MRTFA: variants seen among roughly 807,000 people sequenced by gnomAD.
MRTFA encodes the protein myocardin-related transcription factor A.
A neutral mutation model predicts 83.5 loss-of-function variants in MRTFA; 20 were observed. The ratio of observed to expected loss-of-function variants is 0.24; its 90% CI spans 0.17 to 0.35. MRTFA has a LOEUF of 0.35. MRTFA is among the 10% of genes least tolerant of loss of function. The pLI is 1.00. For synonymous variants in MRTFA, 659 were observed against 541.2 expected, an observed-to-expected ratio of 1.22 and a Z score of -3.02; for missense variants, 1,200 against 1,224.7, an observed-to-expected ratio of 0.98 and a Z score of 0.30.
chr22:40,456,117 A>C (rs1569274947), intron 4 of MRTFA, among the ~76,000 whole-genome samples: 1 of 152,184 alleles, frequency 6.6e-6, no homozygotes, highest in Non-Finnish European at 1.5e-5. Flanking sequence ...TAATAAAGAT[A>C]GCCTGATAGT....
rs5750966 is a variant in MRTFA at position 40,573,789 on chromosome 22, C to T, written c.-22+20885G>A. 6.1e-4 allele frequency among the ~76,000 whole-genome samples: 93 copies of T among 151,472 alleles called. 1 individual carries two copies. Among genetic ancestry groups the T allele is most frequent in the African/African-American group, 2.1e-3 (85 of 41,202 alleles). On this transcript the variant is annotated intron_variant, in intron 2 of 14. Coordinates refer to ENST00000355630, the MANE Select transcript of MRTFA (RefSeq NM_020831.6). ...AAGATTCAGATTTAATAAATATTTT[C>T]GCTGGGTGTGATGGCTCATGCCTGT...
intron 1 of MRTFA, among the ~76,000 whole-genome samples, chr22:40,596,014 G>T (rs1303194749): frequency 3.3e-5 from 5 of 151,464 alleles, no homozygotes; most frequent in Non-Finnish European, 7.4e-5. Flanking sequence ...TTCATAATCT[G>T]ATCCCACCCA....
At chr22:40,550,641 T>C (rs943450119) in intron 3 of MRTFA, among the ~76,000 whole-genome samples, 14 of 152,186 alleles carry the variant, frequency 9.2e-5, no homozygotes, top group Non-Finnish European at 1.9e-4. Flanking sequence ...TTTTCTCTCA[T>C]ATATAGGTTT....
chr22:40,557,076 CTG>C (rs1212540155), intron 2 of MRTFA, among the ~76,000 whole-genome samples: 1 of 152,186 alleles, frequency 6.6e-6, no homozygotes, highest in East Asian at 1.9e-4. Context: ...AACAATAACT[CTG>C]TATGCAGTAG....
intron 3 of MRTFA, among the ~76,000 whole-genome samples, chr22:40,547,086 C>A (rs1157644933): frequency 6.6e-6 from 1 of 151,880 alleles, no homozygotes; most frequent in Non-Finnish European, 1.5e-5. Flanking sequence ...ACCCAGGAGG[C>A]GGAGCTTGCA....
At chr22:40,481,869 G>C (rs149999683) in intron 3 of MRTFA, among the ~76,000 whole-genome samples, 1 of 152,044 alleles carries the variant, frequency 6.6e-6, no homozygotes, top group South Asian at 2.1e-4. Flanking sequence ...GACCATCCTG[G>C]CTAACACGGT....
intron 2 of MRTFA, among the ~76,000 whole-genome samples, chr22:40,554,381 G>GGA (rs1158640298): frequency 6.6e-6 from 1 of 152,158 alleles, no homozygotes; most frequent in African/African-American, 2.4e-5. Context: ...GTTGTGGGAG[G>GGA]GACCCAGTGG....
At chr22:40,428,705 G>A (rs1412885467) in intron 7 of MRTFA, among the ~76,000 whole-genome samples, 1 of 152,160 alleles carries the variant, frequency 6.6e-6, no homozygotes, top group Middle Eastern at 3.4e-3. Context: ...TTGTAGAGAT[G>A]AGTCTCCCTA....
intron 1 of MRTFA, among the ~76,000 whole-genome samples, chr22:40,605,987 TTGAG>T (rs1342102869): frequency 2.0e-5 from 3 of 152,230 alleles, no homozygotes; most frequent in Non-Finnish European, 4.4e-5. Context: ...AGGGACTTCC[TTGAG>T]TGTTTCAGGA....
intron 3 of MRTFA, among the ~76,000 whole-genome samples, chr22:40,511,768 A>C (rs2054672174): frequency 6.6e-6 from 1 of 152,156 alleles, no homozygotes; most frequent in Non-Finnish European, 1.5e-5. Flanking sequence ...TTCATGGGAG[A>C]CCAGGCCAGC....
At position 40,419,138 on chromosome 22, in the gene MRTFA, C is replaced by T. The variant is rs149045760; in HGVS notation, c.1600G>A (p.Ala534Thr). ...ACCACCCCACTGCTGGCCACCGTGG[C>T]CACCACCACCTCAGCTGGAGCCAGG... The change falls in exon 12 of 15, where the codon GCC becomes ACC. Residue 534 changes from alanine to threonine, a missense_variant. Coordinates refer to ENST00000355630, the MANE Select transcript of MRTFA (RefSeq NM_020831.6). The T allele has an allele frequency of 6.0e-5, 96 of 1,586,906 alleles. No homozygotes were observed. Among genetic ancestry groups the T allele is most frequent in the Middle Eastern group, 5.0e-4 (3 of 6,028 alleles).
intron 3 of MRTFA, among the ~76,000 whole-genome samples, chr22:40,468,688 T>C (rs886468257): frequency 3.3e-5 from 5 of 152,334 alleles, no homozygotes; most frequent in East Asian, 1.9e-4. Context: ...GCCCCTGGAC[T>C]AGAAATTATA....
rs766585219 is a variant in MRTFA, at chr22:40,463,304, G to C, written c.242-18C>G. On this transcript the variant is annotated intron_variant, in intron 3 of 14. Coordinates refer to ENST00000355630, the MANE Select transcript of MRTFA (RefSeq NM_020831.6). ...CTGTAGCACTGCAGGGCAGCAGAGA[G>C]AGAGGAGAGATGAGGGGTCAGTTGG... 3.7e-6 allele frequency: 6 copies of C among 1,611,956 alleles called. No homozygotes were observed. Among genetic ancestry groups the C allele is most frequent in the South Asian group, 2.2e-5 (2 of 90,998 alleles).
At chr22:40,473,946 C>T (rs898481813) in intron 3 of MRTFA, among the ~76,000 whole-genome samples, 2 of 152,176 alleles carry the variant, frequency 1.3e-5, no homozygotes, top group Non-Finnish European at 2.9e-5. Context: ...GAAGCAGGTG[C>T]TACTCAAGTT....
intron 2 of MRTFA, among the ~76,000 whole-genome samples, chr22:40,558,620 A>G (rs1388531800): frequency 6.6e-6 from 1 of 151,924 alleles, no homozygotes. Context: ...TGAGTTTGTG[A>G]TGCTCTTATG....
intron 3 of MRTFA, among the ~76,000 whole-genome samples, chr22:40,504,008 T>C (rs1270842168): frequency 6.6e-6 from 1 of 152,164 alleles, no homozygotes; most frequent in East Asian, 1.9e-4. Context: ...TTCAGTTAAA[T>C]TTATATAAAA....
At chr22:40,419,700 AAC>A (rs1181243255) in intron 11 of MRTFA, among the ~76,000 whole-genome samples, 1 of 152,178 alleles carries the variant, frequency 6.6e-6, no homozygotes, top group Admixed American at 6.5e-5. Flanking sequence ...TATTCAATGG[AAC>A]AGACTGTATT....
chr22:40,633,729 CTTTA>C (rs557863249), intron 1 of MRTFA, among the ~76,000 whole-genome samples: 75 of 151,906 alleles, frequency 4.9e-4, no homozygotes, highest in Admixed American at 3.9e-3. Context: ...TAAAGATAAG[CTTTA>C]TTTATTATAT....
intron 4 of MRTFA, among the ~76,000 whole-genome samples, chr22:40,461,596 C>G (rs2053713413): frequency 7.4e-6 from 1 of 134,308 alleles, no homozygotes; most frequent in Non-Finnish European, 1.6e-5. Context: ...CAACCTGGCT[C>G]ATACGGTGAA....
Sources: gnomAD v4.1 joint callset for allele counts (sites outside exome capture counted in the v4.1 genomes callset) on GRCh38, gnomAD v4.1.1 for gene constraint, MANE v1.5 for transcripts, NCBI Gene and HGNC (gene_info 2026-07-23, HGNC 2026-07-21) for gene names.